Variants in UGGT2 observed in about 807,000 individuals in gnomAD.
UGGT2 encodes the protein UDP-glucose glycoprotein glucosyltransferase 2.
In UGGT2, 180 loss-of-function variants were observed where a neutral mutation model predicts 192.1. The ratio of observed to expected loss-of-function variants is 0.94; its 90% CI spans 0.83 to 1.06. The LOEUF (loss-of-function observed/expected upper bound fraction) is 1.06. UGGT2 is among the 50% of genes least tolerant of loss of function. The pLI is 0.00. For missense variants in UGGT2, 1,849 were observed against 1,795.7 expected (o/e 1.03, Z -0.54); for synonymous variants, 580 against 591.0 (o/e 0.98, Z 0.27).
intron 33 of UGGT2, among the ~76,000 whole-genome samples, chr13:95,858,988 T>G (rs1167794935): frequency 6.6e-6 from 1 of 152,170 alleles, no homozygotes; most frequent in Non-Finnish European, 1.5e-5. Flanking sequence ...ACCAAATTGC[T>G]GCGGAGACAC....
chr13:96,010,978 T>A (rs1486243451), intron 5 of UGGT2, among the ~76,000 whole-genome samples: 1 of 152,176 alleles, frequency 6.6e-6, no homozygotes, highest in East Asian at 1.9e-4. Flanking sequence ...CAGTCAATTA[T>A]ATTTTACAAG....
rs780829505 is a variant in UGGT2 at position 95,947,148 on chromosome 13, A to G, written c.1566T>C (p.Asn522=). 4 of 1,604,664 alleles carry G rather than the reference A, an allele frequency of 2.5e-6. No individual in the cohort carries two copies. Among genetic ancestry groups the G allele is most frequent in the African/African-American group, 1.3e-5 (1 of 74,472 alleles). ...TTGCTCCATCAACTTCATCATCTGT[A>G]TTAAGAATGAACACAAAACCAATTC... The part of the protein sequence containing the change: ...PLRIGFVFIL[N]TDDEVDGAND... The change falls in exon 15 of 39, where the codon AAT becomes AAC. Residue 522 remains asparagine (N), a synonymous_variant. Coordinates refer to ENST00000376747, the MANE Select transcript of UGGT2 (RefSeq NM_020121.4).
Position 95,970,155 on chromosome 13 carries a change from C to G in UGGT2, c.1292G>C (p.Trp431Ser), listed in dbSNP as rs376715820. 2.9e-5 allele frequency: 47 copies of G among 1,610,660 alleles called. 1 individual carries two copies. The East Asian group carries it at 5.8e-4, about 20-fold the overall frequency. Residue 431 changes from tryptophan (W) to serine (S), a missense_variant, in exon 12 of 39, where the codon TGG becomes TCG. Trp to Ser is a radical substitution (Grantham distance 177). Transcript: ENST00000376747. ...SKFLKLNSHI[W>S]EYTYVLDIRH... ...AATATCTAATACATAAGTATATTCC[C>G]AAATGTGTGAATTTAATTTTAAAAA...
intron 8 of UGGT2, among the ~76,000 whole-genome samples, 175 bp from the exon 9 acceptor site, chr13:95,986,607 C>T (rs1327235710): frequency 1.3e-5 from 2 of 152,016 alleles, no homozygotes; most frequent in Non-Finnish European, 2.9e-5. Flanking sequence ...TCACTTATTT[C>T]CAAATATAAG....
chr13:96,048,187 T>A lies in UGGT2; in HGVS notation c.158+4968A>T, dbSNP rs183024084. Among the ~76,000 whole-genome samples the A allele has an allele frequency of 5.4e-3, 816 of 152,236 alleles. 11 individuals carry two copies. The highest frequency in any genetic ancestry group is 0.019 in the African/African-American group (780 of 41,562). On this transcript the variant is annotated intron_variant, in intron 1 of 38. Coordinates refer to ENST00000376747, the MANE Select transcript of UGGT2 (RefSeq NM_020121.4). ...AACTCAAGATTAAGAAATTCACTCA[T>A]AACCACTCAACTACATGAAAACTGA...
intron 33 of UGGT2, 115 bp from the exon 34 acceptor site, chr13:95,856,455 G>T: frequency 1.0e-6 from 1 of 1,000,102 alleles, no homozygotes; most frequent in Non-Finnish European, 1.5e-6. Flanking sequence ...AAACTAATAG[G>T]CAAGATGTCT....
At chr13:95,895,443 C>T in intron 22 of UGGT2, 139 bp from the exon 23 acceptor site, 1 of 477,622 alleles carries the variant, frequency 2.1e-6, no homozygotes, top group Non-Finnish European at 3.4e-6. Flanking sequence ...ATTAATCCTG[C>T]CATTTACTAA....
intron 38 of UGGT2, among the ~76,000 whole-genome samples, chr13:95,802,990 C>T (rs112061482): frequency 0.015 from 2,228 of 151,932 alleles, 56 homozygotes; most frequent in African/African-American, 0.051. Context: ...CCCGCCACCA[C>T]GCCCGGCTAA....
At chr13:95,955,685 G>A (rs2050192202) in intron 12 of UGGT2, among the ~76,000 whole-genome samples, 1 of 151,888 alleles carries the variant, frequency 6.6e-6, no homozygotes, top group South Asian at 2.1e-4. Flanking sequence ...GGGCAGTAGA[G>A]GGTTTGGTTA....
intron 5 of UGGT2, among the ~76,000 whole-genome samples, chr13:96,007,658 C>A (rs932886692): frequency 6.6e-6 from 1 of 151,930 alleles, no homozygotes; most frequent in African/African-American, 2.4e-5. Flanking sequence ...ACACAAATAG[C>A]AAACAACATT....
rs939788155 is a variant in UGGT2 at position 95,970,344 on chromosome 13, A to G, written c.1185-82T>C. On this transcript the variant is annotated intron_variant, in intron 11 of 38. Coordinates refer to ENST00000376747, the MANE Select transcript of UGGT2 (RefSeq NM_020121.4). ...TTTTAAAGTTTGATAGTCTTAAAGC[A>G]TTAGAAATGAGATTTTTTGGTATCT... 10 of 1,298,970 alleles carry G rather than the reference A, an allele frequency of 7.7e-6. No individual in the cohort carries two copies. In the African/African-American group the frequency reaches 1.5e-4, roughly 19 times the overall value. The allele number at this position is 1,298,970 out of a possible 1,614,324, so 80.5% of individuals were successfully genotyped here. A position where few individuals can be genotyped will look rare whatever the true frequency, so the allele number is the denominator to read the frequency against.
chr13:95,836,673 T>TA (rs1197389319), intron 37 of UGGT2, among the ~76,000 whole-genome samples: 1 of 152,202 alleles, frequency 6.6e-6, no homozygotes, highest in Non-Finnish European at 1.5e-5. Context: ...CCTTAGTAGG[T>TA]AATACTTCAC....
chr13:95,862,775 G>C (rs1272486008), intron 31 of UGGT2, among the ~76,000 whole-genome samples: 1 of 152,168 alleles, frequency 6.6e-6, no homozygotes, highest in African/African-American at 2.4e-5. Flanking sequence ...CTAAGAGATG[G>C]AGAAAGATTG....
Position 96,053,354 on chromosome 13 carries a change from A to G in UGGT2, c.-42T>C. The G allele has an allele frequency of 6.4e-7, 1 of 1,557,348 alleles. No homozygotes were observed. Among genetic ancestry groups the G allele is most frequent in the Non-Finnish European group, 8.6e-7 (1 of 1,164,406 alleles). On this transcript the variant is annotated 5_prime_UTR_variant, in exon 1 of 39. Transcript: ENST00000376747. ...CGCGAGTCCCTCGGACCCGGTACCC[A>G]CAGTCTGTGGCCGCCACGCTTCGGC... is the stretch of plus-strand genomic sequence containing the variant.
At chr13:95,846,292 G>A (rs1385727511) in intron 36 of UGGT2, among the ~76,000 whole-genome samples, 1 of 152,160 alleles carries the variant, frequency 6.6e-6, no homozygotes, top group African/African-American at 2.4e-5. Flanking sequence ...AGGCGTGGCA[G>A]CGCGCGCCTG....
At chr13:96,016,217 G>C (rs868178221) in intron 4 of UGGT2, among the ~76,000 whole-genome samples, 14 of 152,330 alleles carry the variant, frequency 9.2e-5, no homozygotes, top group African/African-American at 3.4e-4. Flanking sequence ...AAAATTTGCA[G>C]CCCTAGCCAG....
At chr13:95,939,880 T>G in intron 16 of UGGT2, 77 bp downstream of exon 16, 1 of 1,210,386 alleles carries the variant, frequency 8.3e-7, no homozygotes, top group Non-Finnish European at 1.1e-6. Flanking sequence ...TTTTAAAGAT[T>G]CTACATGAGT....
intron 12 of UGGT2, among the ~76,000 whole-genome samples, chr13:95,968,553 G>A (rs7327532): frequency 0.36 from 54,341 of 151,654 alleles, 10,044 homozygotes; most frequent in Middle Eastern, 0.41. Flanking sequence ...AGCAAGACCA[G>A]GCTGCTTAAA....
At chr13:95,926,887 A>G (rs2049031233) in intron 19 of UGGT2, 141 bp downstream of exon 19, 1 of 758,150 alleles carries the variant, frequency 1.3e-6, no homozygotes, top group African/African-American at 1.8e-5. Flanking sequence ...TTAAATACTA[A>G]AAAATTTACA....
Sources: gnomAD v4.1 joint callset for allele counts (sites outside exome capture counted in the v4.1 genomes callset) on GRCh38, gnomAD v4.1.1 for gene constraint, MANE v1.5 for transcripts, NCBI Gene and HGNC (gene_info 2026-07-23, HGNC 2026-07-21) for gene names.